The following GLRA3 variants were observed in gnomAD, a reference collection of about 807,000 sequenced individuals.
GLRA3 encodes the protein glycine receptor alpha 3, also known as glycine receptor subunit alpha-3.
A neutral mutation model predicts 60.4 loss-of-function variants in GLRA3; 44 were observed. That is an observed-to-expected ratio of 0.73 (90% confidence interval 0.57 to 0.94). GLRA3 has a LOEUF of 0.94. Among genes scored for constraint, GLRA3 ranks in the 40% least tolerant of loss-of-function variants. The probability of loss-of-function intolerance (pLI) is 0.00; values close to 1 mark genes in which losing one functional copy is unlikely to be tolerated. For missense variants in GLRA3, 508 were observed against 564.6 expected (o/e 0.90, Z 1.02); for synonymous variants, 223 against 192.9 (o/e 1.16, Z -1.29).
At chr4:174,735,424 T>G (rs1447632467) in intron 3 of GLRA3, among the ~76,000 whole-genome samples, 1 of 152,236 alleles carries the variant, frequency 6.6e-6, no homozygotes, top group African/African-American at 2.4e-5. Context: ...ACCTGAAATT[T>G]GCATCACAAA....
chr4:174,783,641 C>T (rs1738990768), intron 2 of GLRA3, among the ~76,000 whole-genome samples: 1 of 144,070 alleles, frequency 6.9e-6, no homozygotes, highest in South Asian at 2.2e-4. Flanking sequence ...CAAACAACCC[C>T]ATCAAAAAGT....
At chr4:174,818,845 G>A (rs1740616522) in intron 1 of GLRA3, among the ~76,000 whole-genome samples, 1 of 152,138 alleles carries the variant, frequency 6.6e-6, no homozygotes, top group Admixed American at 6.5e-5. Context: ...TAGACTAAAT[G>A]TAAGTCACTT....
At chr4:174,661,336 A>T (rs1333103072) in intron 7 of GLRA3, among the ~76,000 whole-genome samples, 3 of 152,040 alleles carry the variant, frequency 2.0e-5, no homozygotes, top group Admixed American at 6.6e-5. Flanking sequence ...TATATGCAAA[A>T]TTTTTCTCTA....
intron 7 of GLRA3, among the ~76,000 whole-genome samples, chr4:174,663,671 C>T (rs969620197): frequency 1.3e-5 from 2 of 152,180 alleles, no homozygotes; most frequent in East Asian, 1.9e-4. Context: ...CTAGCTTCTC[C>T]GCCAAGTACA....
intron 1 of GLRA3, among the ~76,000 whole-genome samples, chr4:174,806,161 C>G (rs1740042679): frequency 6.6e-6 from 1 of 152,066 alleles, no homozygotes; most frequent in Non-Finnish European, 1.5e-5. Context: ...TGTTAATTAG[C>G]ATTTAAAATA....
chr4:174,724,451 A>T (rs1479775710), intron 4 of GLRA3, among the ~76,000 whole-genome samples: 1 of 152,148 alleles, frequency 6.6e-6, no homozygotes, highest in Non-Finnish European at 1.5e-5. Flanking sequence ...TACCGGTCTC[A>T]TTAACTTCTG....
chr4:174,721,855 A>G (rs1342065051), intron 4 of GLRA3, among the ~76,000 whole-genome samples: 2 of 97,792 alleles, frequency 2.0e-5, no homozygotes, highest in South Asian at 7.0e-4. Context: ...GTGTGTATAC[A>G]TATGTGTGTG....
chr4:174,745,263 G>A (rs545398543), intron 3 of GLRA3, among the ~76,000 whole-genome samples: 23 of 152,292 alleles, frequency 1.5e-4, no homozygotes, highest in African/African-American at 5.5e-4. Flanking sequence ...AAGTCTAGCA[G>A]GATATTTAGA....
At chr4:174,675,011 C>T (rs1363410906) in intron 7 of GLRA3, among the ~76,000 whole-genome samples, 1 of 152,128 alleles carries the variant, frequency 6.6e-6, no homozygotes, top group Non-Finnish European at 1.5e-5. Context: ...GTCTGCCCTA[C>T]TAAAATTGAA....
At chr4:174,656,598 C>A in intron 9 of GLRA3, 145 bp downstream of exon 9, 1 of 484,152 alleles carries the variant, frequency 2.1e-6, no homozygotes, top group South Asian at 4.4e-5. Flanking sequence ...CCCTTCTTAG[C>A]TGAAGGGGGA....
intron 3 of GLRA3, among the ~76,000 whole-genome samples, chr4:174,734,572 A>T (rs997762402): frequency 4.6e-5 from 7 of 152,062 alleles, no homozygotes; most frequent in Non-Finnish European, 1.0e-4. Flanking sequence ...ATGTACAATT[A>T]TTCTCCTAGA....
At chr4:174,771,243 TA>T (rs1561107621) in intron 2 of GLRA3, among the ~76,000 whole-genome samples, 1 of 151,762 alleles carries the variant, frequency 6.6e-6, no homozygotes, top group African/African-American at 2.4e-5. Flanking sequence ...AATGATAAAA[TA>T]AAAAAATAAA....
At chr4:174,773,806 C>G (rs28439102) in intron 2 of GLRA3, among the ~76,000 whole-genome samples, 12,995 of 152,184 alleles carry the variant, frequency 0.085, 925 homozygotes, top group East Asian at 0.38. Flanking sequence ...CTTCCCTTCC[C>G]CCAAATGCTG....
intron 7 of GLRA3, among the ~76,000 whole-genome samples, chr4:174,661,770 A>G (rs538588526): frequency 7.9e-5 from 12 of 152,282 alleles, no homozygotes; most frequent in African/African-American, 2.9e-4. Context: ...CTATGGCCCT[A>G]CAGGTCTCAC....
chr4:174,738,008 A>G (rs1479343369), intron 3 of GLRA3, among the ~76,000 whole-genome samples: 1 of 152,224 alleles, frequency 6.6e-6, no homozygotes, highest in Non-Finnish European at 1.5e-5. Context: ...ATGAAATATT[A>G]TGTCAAAGAA....
intron 2 of GLRA3, among the ~76,000 whole-genome samples, chr4:174,778,337 C>CTTTTCTTTTT (rs533210628): frequency 6.6e-6 from 1 of 151,936 alleles, no homozygotes; most frequent in African/African-American, 2.4e-5. Flanking sequence ...TATTTCTTTT[C>CTTTTCTTTTT]TTTTCTTTTT....
In GLRA3 at chr4:174,649,581, CA is replaced by C. The variant is rs760989064; in HGVS notation, c.1117-5518del. 3.3e-5 allele frequency among the ~76,000 whole-genome samples: 5 copies of C among 152,218 alleles called. No individual in the cohort carries two copies. In the South Asian group the frequency reaches 8.3e-4, roughly 25 times the overall value. On this transcript the variant is annotated intron_variant, in intron 9 of 9. Coordinates refer to ENST00000274093, the MANE Select transcript of GLRA3 (RefSeq NM_006529.4). ...CTCAGCTCTGATTAAGGGAATGGCGCAGGGGTGGTAGTTTTCATTAATTCTC... is the reference window on the plus strand; with the variant it reads ...CTCAGCTCTGATTAAGGGAATGGCGCGGGGTGGTAGTTTTCATTAATTCTC...
chr4:174,665,887 A>G (rs1188092698), intron 7 of GLRA3, among the ~76,000 whole-genome samples: 1 of 152,146 alleles, frequency 6.6e-6, no homozygotes, highest in East Asian at 1.9e-4. Context: ...ATATTAACTA[A>G]TATGCCAGGA....
intron 3 of GLRA3, among the ~76,000 whole-genome samples, chr4:174,745,839 C>T (rs896511410): frequency 1.3e-5 from 2 of 149,500 alleles, no homozygotes; most frequent in Non-Finnish European, 1.5e-5. Context: ...GGGCAAAAAA[C>T]ATGAGTATAC....
Sources: allele counts gnomAD v4.1 joint callset (sites outside exome capture counted in the v4.1 genomes callset), GRCh38; gene constraint gnomAD v4.1.1; transcripts MANE v1.5; gene names NCBI Gene and HGNC (gene_info 2026-07-23, HGNC 2026-07-21).